Variants in CREB3L1 observed in about 807,000 individuals in gnomAD.
CREB3L1 encodes cAMP responsive element binding protein 3 like 1, also known as cyclic AMP-responsive element-binding protein 3-like protein 1.
CREB3L1 carries 33 observed loss-of-function variants against 54.5 expected under a neutral mutation model. That is an observed-to-expected ratio of 0.61 (90% confidence interval 0.46 to 0.81). The LOEUF (loss-of-function observed/expected upper bound fraction) is 0.81. CREB3L1 is among the 30% of genes least tolerant of loss of function. The probability of loss-of-function intolerance (pLI) is 0.00; values close to 1 mark genes in which losing one functional copy is unlikely to be tolerated. For missense variants in CREB3L1, 656 were observed against 673.3 expected (o/e 0.97, Z 0.29); for synonymous variants, 284 against 286.4 (o/e 0.99, Z 0.08).
chr11:46,307,767 G>T, intron 2 of CREB3L1, 49 bp from the exon 3 acceptor site: 1 of 1,452,010 alleles, frequency 6.9e-7, no homozygotes. Flanking sequence ...GCAGGCAGGG[G>T]GCTGAGACCT....
At chr11:46,305,930 G>C (rs1007626008) in intron 2 of CREB3L1, among the ~76,000 whole-genome samples, 6 of 151,364 alleles carry the variant, frequency 4.0e-5, no homozygotes, top group Admixed American at 6.6e-5. Context: ...GTAGAGACGG[G>C]GTTTCACCAT....
intron 2 of CREB3L1, among the ~76,000 whole-genome samples, chr11:46,300,416 A>C (rs879823508): frequency 2.0e-5 from 3 of 152,242 alleles, no homozygotes; most frequent in Non-Finnish European, 4.4e-5. Flanking sequence ...CCAGACCAGC[A>C]GCATCACCTG....
chr11:46,312,837 C>T lies in CREB3L1; in HGVS notation c.963-14C>T. 1 of 1,584,582 alleles carries T rather than the reference C, an allele frequency of 6.3e-7. No individual in the cohort carries two copies. The highest frequency in any genetic ancestry group is 2.3e-5 in the East Asian group (1 of 43,368). On this transcript the variant is annotated splice_polypyrimidine_tract_variant and intron_variant, in intron 7 of 11. Coordinates refer to ENST00000621158, the MANE Select transcript of CREB3L1 (RefSeq NM_052854.4). ...GGGGCTGCCCCTGAGCCTGTGCCTG[C>T]TTGGCCCCTACAGGGTGGAGACATT... is the stretch of plus-strand genomic sequence containing the variant.
Position 46,320,959 on chromosome 11 carries a change from T to C in CREB3L1, c.*213T>C. The C allele has an allele frequency of 1.5e-6, 1 of 687,018 alleles. No individual in the cohort carries two copies. Among genetic ancestry groups the C allele is most frequent in the Non-Finnish European group, 2.7e-6 (1 of 375,888 alleles). 42.6% of individuals were successfully genotyped at this position (687,018 alleles called of 1,614,324 possible). On this transcript the variant is annotated 3_prime_UTR_variant, in exon 12 of 12. Transcript: ENST00000621158. ...TCATTCTCCTTCCCACCAACATCCA[T>C]CCGTCCTTCTCAGACAAACCACTCA... is the stretch of plus-strand genomic sequence containing the variant.
chr11:46,279,171 G>C (rs12280680), intron 1 of CREB3L1, among the ~76,000 whole-genome samples: 1 of 151,864 alleles, frequency 6.6e-6, no homozygotes, highest in African/African-American at 2.4e-5. Context: ...CTGTTCACAC[G>C]CCACACACAC....
At chr11:46,306,466 T>C (rs903998390) in intron 2 of CREB3L1, among the ~76,000 whole-genome samples, 3 of 150,914 alleles carry the variant, frequency 2.0e-5, no homozygotes, top group African/African-American at 7.3e-5. Flanking sequence ...ATGGCACCAC[T>C]GCACTCCAGC....
rs953261485 is a variant in CREB3L1, at chr11:46,292,733, C to T, written c.103-7202C>T. On this transcript the variant is annotated intron_variant, in intron 1 of 11. Coordinates refer to ENST00000621158, the MANE Select transcript of CREB3L1 (RefSeq NM_052854.4). ...CCTCAAACTCCTGGGCTCAAGTAAT[C>T]CTCCTTCAGCCTCCTGAGTGACTGG... is the stretch of plus-strand genomic sequence containing the variant. 2.0e-5 allele frequency among the ~76,000 whole-genome samples: 3 copies of T among 152,140 alleles called. No individual in the cohort carries two copies. The East Asian group carries it at 5.8e-4, about 29-fold the overall frequency.
At chr11:46,305,347 G>A (rs148229982) in intron 2 of CREB3L1, among the ~76,000 whole-genome samples, 1,955 of 151,902 alleles carry the variant, frequency 0.013, 23 homozygotes, top group Non-Finnish European at 0.02. Context: ...GCTCCCCACC[G>A]CTCCCCACCG....
Position 46,307,838 on chromosome 11 carries a change from G to T in CREB3L1, c.354G>T (p.Ala118=), listed in dbSNP as rs372240008. 6.3e-6 allele frequency: 10 copies of T among 1,579,262 alleles called. No individual in the cohort carries two copies. In the Admixed American group the frequency reaches 1.8e-4, roughly 28 times the overall value. The change falls in exon 3 of 12, where the codon GCG becomes GCT. Residue 118 remains alanine, a synonymous_variant. Transcript: ENST00000621158. ...TAGATGCAGAGCATGGAGCATGGGC[G>T]CTGGGACACAAACTGTGCTCCATCA... ...TTQDAEHGAW[A]LGHKLCSIMV... is the part of the protein sequence containing the mutation.
At chr11:46,298,377 C>T (rs1228651743) in intron 1 of CREB3L1, among the ~76,000 whole-genome samples, 1 of 152,192 alleles carries the variant, frequency 6.6e-6, no homozygotes, top group Non-Finnish European at 1.5e-5. Flanking sequence ...CAAATTCATT[C>T]GTTCAATAAA....
chr11:46,314,904 C>A (rs1939543615), intron 8 of CREB3L1, among the ~76,000 whole-genome samples: 2 of 151,252 alleles, frequency 1.3e-5, no homozygotes, highest in African/African-American at 2.4e-5. Context: ...GACAGGGTTT[C>A]ACTATGTTGG....
chr11:46,288,304 A>C (rs1033185349), intron 1 of CREB3L1, among the ~76,000 whole-genome samples: 1 of 151,180 alleles, frequency 6.6e-6, no homozygotes, highest in Non-Finnish European at 1.5e-5. Context: ...CTGGTCTCAA[A>C]CTCCTGGCCT....
At chr11:46,317,856 A>T (rs1318795479) in intron 10 of CREB3L1, among the ~76,000 whole-genome samples, 2 of 152,216 alleles carry the variant, frequency 1.3e-5, no homozygotes, top group African/African-American at 4.8e-5. Context: ...TGATAGGGAC[A>T]GCAAGTGAGT....
chr11:46,310,915 G>T, intron 4 of CREB3L1, 117 bp from the exon 5 acceptor site: 1 of 1,418,464 alleles, frequency 7.0e-7, no homozygotes, highest in Non-Finnish European at 9.3e-7. Context: ...CCAAGCGCCT[G>T]GCAGTCCGTG....
chr11:46,312,869 T>C lies in CREB3L1; in HGVS notation c.981T>C (p.Ser327=), dbSNP rs1257876042. 3 of 1,592,182 alleles carry C rather than the reference T, an allele frequency of 1.9e-6. No individual in the cohort carries two copies. The highest frequency in any genetic ancestry group is 2.6e-6 in the Non-Finnish European group (3 of 1,169,262). Residue 327 remains serine (S), a synonymous_variant, in exon 8 of 12, where the codon TCT becomes TCC. Transcript: ENST00000621158. ...CCTACAGGGTGGAGACATTTACATC[T>C]GAGAACAATGAACTGTGGAAGAAGG... ...CLEKKVETFT[S]ENNELWKKVE...
Position 46,310,077 on chromosome 11 carries a change from T to A in CREB3L1, c.595+10T>A. ...CTCAAAGTGACACCGGGTAGGTGTGTCCAGGGGAAGGGCTCTTTTCCCCTC... is the reference window on the plus strand; with the variant it reads ...CTCAAAGTGACACCGGGTAGGTGTGACCAGGGGAAGGGCTCTTTTCCCCTC... On this transcript the variant is annotated intron_variant, in intron 4 of 11. Coordinates refer to ENST00000621158, the MANE Select transcript of CREB3L1 (RefSeq NM_052854.4). 1 of 1,570,918 alleles carries A rather than the reference T, an allele frequency of 6.4e-7. No homozygotes were observed. The highest frequency in any genetic ancestry group is 8.7e-7 in the Non-Finnish European group (1 of 1,155,284).
At chr11:46,305,658 ATG>A (rs1194487351) in intron 2 of CREB3L1, among the ~76,000 whole-genome samples, 5 of 87,548 alleles carry the variant, frequency 5.7e-5, no homozygotes. Flanking sequence ...GTGTGTATAT[ATG>A]TGTGTATATA....
chr11:46,286,645 C>T (rs547659888), intron 1 of CREB3L1, among the ~76,000 whole-genome samples: 3 of 152,010 alleles, frequency 2.0e-5, no homozygotes, highest in South Asian at 2.1e-4. Context: ...ATTAGCCAGG[C>T]GTGGTGGCGG....
chr11:46,297,809 C>T (rs1448695769), intron 1 of CREB3L1, among the ~76,000 whole-genome samples: 1 of 152,130 alleles, frequency 6.6e-6, no homozygotes, highest in African/African-American at 2.4e-5. Context: ...ACAACTCCCA[C>T]CATTGGTTCC....
Sources: allele counts gnomAD v4.1 joint callset (sites outside exome capture counted in the v4.1 genomes callset), GRCh38; gene constraint gnomAD v4.1.1; transcripts MANE v1.5; gene names NCBI Gene and HGNC (gene_info 2026-07-23, HGNC 2026-07-21).